Variants in KBTBD11 observed in about 807,000 individuals in gnomAD.
KBTBD11 encodes the protein kelch repeat and BTB domain-containing protein 11.
For synonymous variants in KBTBD11, 747 were observed against 499.0 expected (o/e 1.50, Z -6.63); for missense variants, 1,390 against 1,001.8 (o/e 1.39, Z -5.23).
chr8:1,974,021 G>T, intron 1 of KBTBD11, 86 bp downstream of exon 1: 2 of 959,706 alleles, frequency 2.1e-6, no homozygotes, highest in Non-Finnish European at 2.5e-6. Context: ...GGGGCGGCGG[G>T]TGGGAGGTGG....
At chr8:1,974,723 C>A in intron 1 of KBTBD11, 1 of 984,874 alleles carries the variant, frequency 1.0e-6, no homozygotes, top group South Asian at 4.7e-5. Flanking sequence ...TCCCTCCTCT[C>A]AGGCGGGGCT....
intron 1 of KBTBD11, among the ~76,000 whole-genome samples, chr8:1,998,512 A>G (rs1284101958): frequency 6.6e-6 from 1 of 152,218 alleles, no homozygotes; most frequent in Admixed American, 6.5e-5. Flanking sequence ...GTAATGATTA[A>G]TTACATAAAG....
rs1817545372 is a variant in KBTBD11 at position 2,005,476 on chromosome 8, CA to C, written c.*2413del. The stretch of plus-strand genomic sequence containing the variant: ...GCCGCTAGGGTTTGCACCCATGAAA[CA>C]GAGAAAAGCCACACCCTCCAAGGTG... On this transcript the variant is annotated 3_prime_UTR_variant, in exon 2 of 2. Coordinates refer to ENST00000320248, the MANE Select transcript of KBTBD11 (RefSeq NM_014867.3). 1 of 166,810 alleles carries C rather than the reference CA, an allele frequency of 6.0e-6. No homozygotes were observed. The highest frequency in any genetic ancestry group is 1.9e-4 in the East Asian group (1 of 5,156). 10.3% of individuals were successfully genotyped at this position (166,810 alleles called of 1,614,324 possible).
Position 2,003,067 on chromosome 8 carries a change from C to T in KBTBD11, c.*3C>T. The T allele has an allele frequency of 4.8e-6, 6 of 1,256,408 alleles. No individual in the cohort carries two copies. Among genetic ancestry groups the T allele is most frequent in the Non-Finnish European group, 6.0e-6 (6 of 999,348 alleles). 77.8% of individuals were successfully genotyped at this position (1,256,408 alleles called of 1,614,324 possible). A position where few individuals can be genotyped will look rare whatever the true frequency, so the allele number is the denominator to read the frequency against. On this transcript the variant is annotated 3_prime_UTR_variant, in exon 2 of 2. Coordinates refer to ENST00000320248, the MANE Select transcript of KBTBD11 (RefSeq NM_014867.3). ...GAGGGGAGCAGGGCGCCCCGTAGGC[C>T]GGCGGGGTCGGCGGGCGTCTCCCTC...
intron 1 of KBTBD11, among the ~76,000 whole-genome samples, chr8:1,979,816 T>C (rs1816479587): frequency 6.6e-6 from 1 of 152,232 alleles, no homozygotes. Context: ...GTTGGCAGCC[T>C]CGGGACAGGG....
intron 1 of KBTBD11, among the ~76,000 whole-genome samples, chr8:1,984,470 G>A (rs1352411723): frequency 6.6e-6 from 1 of 151,904 alleles, no homozygotes; most frequent in Non-Finnish European, 1.5e-5. Flanking sequence ...TGTGTTTTTA[G>A]TAGAGACGGG....
At chr8:1,995,629 C>G (rs969917779) in intron 1 of KBTBD11, among the ~76,000 whole-genome samples, 4 of 152,096 alleles carry the variant, frequency 2.6e-5, no homozygotes, top group African/African-American at 9.7e-5. Context: ...TCCTGCCTGC[C>G]CAGAAGCTGT....
rs1248828698 is a variant in KBTBD11 at position 2,000,628 on chromosome 8, C to T, written c.-565C>T. On this transcript the variant is annotated 5_prime_UTR_variant, in exon 2 of 2. Transcript: ENST00000320248. ...CTGAAGTTGGGGCCACAGCCGGTCT[C>T]AGCTTTCTGTGTTCTGGGGGCGCGG... The T allele has an allele frequency of 6.5e-6, 1 of 152,680 alleles. No homozygotes were observed. The highest frequency in any genetic ancestry group is 6.5e-5 in the Admixed American group (1 of 15,284). 9.5% of individuals were successfully genotyped at this position (152,680 alleles called of 1,614,324 possible).
intron 1 of KBTBD11, among the ~76,000 whole-genome samples, chr8:1,992,322 A>G (rs1263559817): frequency 2.0e-5 from 3 of 152,110 alleles, no homozygotes; most frequent in Non-Finnish European, 2.9e-5. Context: ...ACACAGTACA[A>G]AAGCACAAAT....
intron 1 of KBTBD11, chr8:1,975,237 C>G (rs1482311903): frequency 6.6e-6 from 1 of 152,242 alleles, no homozygotes; most frequent in African/African-American, 2.4e-5. Flanking sequence ...GAGGTAAAGC[C>G]TTTGAACTTT....
In KBTBD11 at chr8:2,002,192, G is replaced by A; in HGVS notation, c.1000G>A (p.Ala334Thr). ...DAAVYCFHAA[A>T]GEWRELTRLP... ...GGCCGTCTACTGCTTCCACGCGGCG[G>A]CCGGAGAGTGGCGCGAGCTGACGCG... Residue 334 changes from alanine to threonine, a missense_variant, in exon 2 of 2, where the codon GCC becomes ACC. Physicochemically the swap from Ala to Thr is moderately conservative, Grantham distance 58 (BLOSUM62 0). Transcript: ENST00000320248. This position sits in a 1 kb window ranked among gnomAD's most constrained non-coding sequence, Gnocchi z 4.1. 1.6e-6 allele frequency: 2 copies of A among 1,253,310 alleles called. No homozygotes were observed. The highest frequency in any genetic ancestry group is 2.7e-5 in the South Asian group (1 of 36,898). The allele number at this position is 1,253,310 out of a possible 1,614,324, so 77.6% of individuals were successfully genotyped here.
chr8:1,977,801 G>A (rs1816400241), intron 1 of KBTBD11, among the ~76,000 whole-genome samples: 1 of 152,032 alleles, frequency 6.6e-6, no homozygotes, highest in African/African-American at 2.4e-5. Flanking sequence ...CTCCCAAAGT[G>A]CTGGGATTAC....
rs113555643 is a variant in KBTBD11 at position 2,002,780 on chromosome 8, C to T, written c.1588C>T (p.Leu530=). 912 of 1,470,666 alleles carry T rather than the reference C, an allele frequency of 6.2e-4. 2 individuals carry two copies. Among genetic ancestry groups the T allele is most frequent in the Non-Finnish European group, 7.6e-4 (854 of 1,118,922 alleles). 91.1% of individuals were successfully genotyped at this position (1,470,666 alleles called of 1,614,324 possible). Residue 530 remains leucine (L), a synonymous_variant, in exon 2 of 2, where the codon CTG becomes TTG. Transcript: ENST00000320248. The surrounding 1 kb of genome is among the most constrained non-coding windows in gnomAD (Gnocchi z 4.1). ...SGVSVSRYHC[L]AKQWSPCVAP... ...GGTCAGCGTGTCCCGATACCACTGC[C>T]TGGCCAAGCAGTGGAGCCCGTGCGT...
At chr8:1,996,298 C>G (rs1342803764) in intron 1 of KBTBD11, among the ~76,000 whole-genome samples, 1 of 152,044 alleles carries the variant, frequency 6.6e-6, no homozygotes, top group Non-Finnish European at 1.5e-5. Context: ...CGGGGTTTCA[C>G]TCTTGTTGCC....
chr8:1,985,011 G>C (rs1298043657), intron 1 of KBTBD11, among the ~76,000 whole-genome samples: 1 of 152,188 alleles, frequency 6.6e-6, no homozygotes, highest in Non-Finnish European at 1.5e-5. Context: ...GTCTGATCAG[G>C]TATTGCATTC....
At chr8:1,986,762 G>C (rs147441452) in intron 1 of KBTBD11, among the ~76,000 whole-genome samples, 32 of 152,232 alleles carry the variant, frequency 2.1e-4, no homozygotes, top group African/African-American at 6.3e-4. Flanking sequence ...GTTTTAAATT[G>C]TAAAATATTT....
At position 2,001,288 on chromosome 8, in the gene KBTBD11, G is replaced by C; in HGVS notation, c.96G>C (p.Gln32His). 5.2e-6 allele frequency: 8 copies of C among 1,524,560 alleles called. No individual in the cohort carries two copies. The highest frequency in any genetic ancestry group is 3.7e-5 in the South Asian group (3 of 81,904). The allele number at this position is 1,524,560 out of a possible 1,614,324, so 94.4% of individuals were successfully genotyped here. A position where few individuals can be genotyped will look rare whatever the true frequency, so the allele number is the denominator to read the frequency against. Residue 32 changes from glutamine to histidine, a missense_variant, in exon 2 of 2, where the codon CAG becomes CAC. Transcript: ENST00000320248. ...SESEGAASPA[Q>H]TPCSLGASLC... ...GCGAGGGCGCCGCGTCCCCGGCGCA[G>C]ACACCCTGCAGTCTCGGCGCGTCCC...
intron 1 of KBTBD11, among the ~76,000 whole-genome samples, chr8:1,996,725 T>C (rs1014982621): frequency 6.6e-6 from 1 of 152,222 alleles, no homozygotes; most frequent in Admixed American, 6.5e-5. Flanking sequence ...TATTTTATTC[T>C]GAATAAGTCC....
At chr8:1,980,991 CA>C (rs1282734000) in intron 1 of KBTBD11, among the ~76,000 whole-genome samples, 2 of 152,180 alleles carry the variant, frequency 1.3e-5, no homozygotes, top group African/African-American at 4.8e-5. Context: ...GGCATTGCAA[CA>C]GGGCAAAATA....
Sources: allele counts gnomAD v4.1 joint callset (sites outside exome capture counted in the v4.1 genomes callset), GRCh38; gene constraint gnomAD v4.1.1; non-coding constraint Gnocchi (gnomAD v3.1); transcripts MANE v1.5; gene names NCBI Gene and HGNC (gene_info 2026-07-23, HGNC 2026-07-21).